Variants in NUMBL observed in about 807,000 individuals in gnomAD.
NUMBL encodes numb-like protein.
A neutral mutation model predicts 48.9 loss-of-function variants in NUMBL; 20 were observed. That is an observed-to-expected ratio of 0.41 (90% CI 0.29 to 0.59). The LOEUF is 0.59. Ranked by LOEUF, NUMBL falls within the 20% of genes least tolerant of loss-of-function variation. The pLI is 0.31. For synonymous variants in NUMBL, 340 were observed against 348.7 expected (o/e 0.98, Z 0.28); for missense variants, 660 against 846.2 (o/e 0.78, Z 2.73).
chr19:40,675,164 A>AAAC (rs2081868896), intron 7 of NUMBL, among the ~76,000 whole-genome samples: 1 of 146,188 alleles, frequency 6.8e-6, no homozygotes, highest in Admixed American at 6.8e-5. Flanking sequence ...AAAAAAAAAA[A>AAAC]AAAAAACTTA....
At chr19:40,674,127 A>G (rs541272993) in intron 7 of NUMBL, among the ~76,000 whole-genome samples, 2 of 152,248 alleles carry the variant, frequency 1.3e-5, no homozygotes, top group East Asian at 3.9e-4. Flanking sequence ...GATGTGCCCA[A>G]GTCCTACTGC....
intron 3 of NUMBL, among the ~76,000 whole-genome samples, chr19:40,683,381 T>G (rs1282150022): frequency 6.6e-6 from 1 of 152,262 alleles, no homozygotes; most frequent in Admixed American, 6.5e-5. Context: ...CTCCCTCATC[T>G]GCAGGTGGGA....
rs763501311 is a variant in NUMBL at position 40,690,416 on chromosome 19, C to T, written c.24+44G>A. On this transcript the variant is annotated intron_variant, in intron 1 of 9. Coordinates refer to ENST00000252891, the MANE Select transcript of NUMBL (RefSeq NM_004756.5). ...CTCCCACCCTCCGCCACATCAGCAG[C>T]GGCGCCGCCCCCGACCCGAGCCCCC... 29 of 1,153,182 alleles carry T rather than the reference C, an allele frequency of 2.5e-5. No individual in the cohort carries two copies. In the South Asian group the frequency reaches 9.1e-4, roughly 36 times the overall value. The allele number at this position is 1,153,182 out of a possible 1,614,324, so 71.4% of individuals were successfully genotyped here. A position where few individuals can be genotyped will look rare whatever the true frequency, so the allele number is the denominator to read the frequency against.
At position 40,667,132 on chromosome 19, in the gene NUMBL, T is replaced by G; in HGVS notation, c.*336A>C. On this transcript the variant is annotated 3_prime_UTR_variant, in exon 10 of 10. Coordinates refer to ENST00000252891, the MANE Select transcript of NUMBL (RefSeq NM_004756.5). This position sits in a 1 kb window ranked among gnomAD's most constrained non-coding sequence, Gnocchi z 6.1. ...CCTGTCCAACACTGGAAGGTGGGGGTCAACAGAAACTGGGAAATGGAGTGT... is the reference window on the plus strand; with the variant it reads ...CCTGTCCAACACTGGAAGGTGGGGGGCAACAGAAACTGGGAAATGGAGTGT... The G allele has an allele frequency of 9.6e-6, 3 of 312,214 alleles. No homozygotes were observed. Among genetic ancestry groups the G allele is most frequent in the South Asian group, 3.1e-5 (1 of 31,808 alleles). 19.3% of individuals were successfully genotyped at this position (312,214 alleles called of 1,614,324 possible).
Position 40,687,937 on chromosome 19 carries a change from A to G in NUMBL, c.25-942T>C, listed in dbSNP as rs2081943162. Among the ~76,000 whole-genome samples, 1 of 152,100 alleles carries G rather than the reference A, an allele frequency of 6.6e-6. No individual in the cohort carries two copies. Among genetic ancestry groups the G allele is most frequent in the Non-Finnish European group, 1.5e-5 (1 of 68,010 alleles). On this transcript the variant is annotated intron_variant, in intron 1 of 9. Coordinates refer to ENST00000252891, the MANE Select transcript of NUMBL (RefSeq NM_004756.5). The surrounding 1 kb of genome is among the most constrained non-coding windows in gnomAD (Gnocchi z 4.6). ...CACACACTGTCACGTGGTCACACATACTCAGTCATAGGTGCTCAAATCTGG... is the reference window on the plus strand; with the variant it reads ...CACACACTGTCACGTGGTCACACATGCTCAGTCATAGGTGCTCAAATCTGG...
In NUMBL at chr19:40,673,773, C is replaced by G; in HGVS notation, c.731-124G>C. The G allele has an allele frequency of 1.1e-6, 1 of 900,532 alleles. No individual in the cohort carries two copies. The highest frequency in any genetic ancestry group is 1.6e-6 in the Non-Finnish European group (1 of 617,374). 55.8% of individuals were successfully genotyped at this position (900,532 alleles called of 1,614,324 possible). On this transcript the variant is annotated intron_variant, in intron 7 of 9. Coordinates refer to ENST00000252891, the MANE Select transcript of NUMBL (RefSeq NM_004756.5). The surrounding 1 kb of genome is among the most constrained non-coding windows in gnomAD (Gnocchi z 5.9). ...TGCCCAGTGAGTCCTGCCCTTAAGA[C>G]AAGCTAGTCAAAGCCCTGAGATATC...
At chr19:40,685,601 T>G (rs2081930284) in intron 2 of NUMBL, 1 of 153,714 alleles carries the variant, frequency 6.5e-6, no homozygotes, top group African/African-American at 2.4e-5. Flanking sequence ...TATCCGAGAG[T>G]GCCGTTGTTG....
chr19:40,689,329 T>G (rs2144670939), intron 1 of NUMBL, among the ~76,000 whole-genome samples: 1 of 152,152 alleles, frequency 6.6e-6, no homozygotes, highest in East Asian at 1.9e-4. Context: ...AAGTACAGGA[T>G]TCTGCACAGT....
chr19:40,686,222 T>A (rs1248227547), intron 2 of NUMBL: 1 of 151,980 alleles, frequency 6.6e-6, no homozygotes, highest in East Asian at 1.9e-4. Flanking sequence ...TGGCATGATC[T>A]CAGCTCACAG....
chr19:40,685,048 G>T, intron 2 of NUMBL: 1 of 164,488 alleles, frequency 6.1e-6, no homozygotes, highest in Non-Finnish European at 1.3e-5. Context: ...GGAATTGCAT[G>T]GGTCAGGGGT....
chr19:40,668,251 G>A (rs542063986), intron 9 of NUMBL, 113 bp from the exon 10 acceptor site: 29 of 1,443,142 alleles, frequency 2.0e-5, no homozygotes, highest in African/African-American at 2.9e-5. Flanking sequence ...GAGCCAGACC[G>A]CCTGCCTCTG....
rs1214690045 is a variant in NUMBL, at chr19:40,690,277, T to C, written c.24+183A>G. On this transcript the variant is annotated intron_variant, in intron 1 of 9. Transcript: ENST00000252891. ...TGGCAAGAGATGGCCCAGGGGTCTG[T>C]GCCCAAGACCCCGGTCTCCTGGGCT... 5 of 377,436 alleles carry C rather than the reference T, an allele frequency of 1.3e-5. No individual in the cohort carries two copies. The Admixed American group carries it at 2.3e-4, about 17-fold the overall frequency. The allele number at this position is 377,436 out of a possible 1,614,324, so 23.4% of individuals were successfully genotyped here.
Position 40,666,565 on chromosome 19 carries a change from C to T in NUMBL, c.*903G>A, listed in dbSNP as rs1024194585. The T allele has an allele frequency of 2.0e-5, 3 of 152,484 alleles. No homozygotes were observed. The highest frequency in any genetic ancestry group is 4.8e-5 in the African/African-American group (2 of 41,416). 9.4% of individuals were successfully genotyped at this position (152,484 alleles called of 1,614,324 possible). On this transcript the variant is annotated 3_prime_UTR_variant, in exon 10 of 10. Coordinates refer to ENST00000252891, the MANE Select transcript of NUMBL (RefSeq NM_004756.5). ...GCTGAGTCAGTGGTACCTGTTACCA[C>T]GCTATGACTCAGAGGTTATCACTCA...
chr19:40,682,735 T>G lies in NUMBL; in HGVS notation c.392A>C (p.Lys131Thr). ...CCCCCACAGGCCTCCTACCTTGGTT[T>G]TGTCGTCCACCACTCGGAGCCCATC... ...SADGLRVVDD[K>T]TKDLLVDQTI... The change falls in exon 5 of 10, where the codon AAA (lysine) becomes ACA (threonine). Residue 131 changes from lysine to threonine, a missense_variant. By Grantham distance (78) the Lys-to-Thr change is moderately conservative. Around this residue, in one of 3 missense-constraint regions of NUMBL, gnomAD observed 278 missense variants for 420.6 expected, o/e 0.66. Transcript: ENST00000252891. The surrounding 1 kb of genome is among the most constrained non-coding windows in gnomAD (Gnocchi z 4.0). The G allele has an allele frequency of 6.2e-7, 1 of 1,614,122 alleles. No individual in the cohort carries two copies. The highest frequency in any genetic ancestry group is 8.5e-7 in the Non-Finnish European group (1 of 1,179,998).
At chr19:40,681,819 C>T (rs919377601) in intron 5 of NUMBL, among the ~76,000 whole-genome samples, 3 of 151,904 alleles carry the variant, frequency 2.0e-5, no homozygotes, top group Admixed American at 1.3e-4. Context: ...ATTACAGGCA[C>T]GCACCACCAC....
intron 1 of NUMBL, 173 bp downstream of exon 1, chr19:40,690,287 C>T (rs202177208): frequency 2.0e-4 from 77 of 383,780 alleles, no homozygotes; most frequent in East Asian, 1.7e-3. Flanking sequence ...TGCCCAAGAC[C>T]CCGGTCTCCT....
In NUMBL at chr19:40,667,384, G is replaced by C; in HGVS notation, c.*84C>G. The C allele has an allele frequency of 8.5e-6, 13 of 1,537,826 alleles. No individual in the cohort carries two copies. Among genetic ancestry groups the C allele is most frequent in the Non-Finnish European group, 8.7e-6 (10 of 1,144,722 alleles). On this transcript the variant is annotated 3_prime_UTR_variant, in exon 10 of 10. Coordinates refer to ENST00000252891, the MANE Select transcript of NUMBL (RefSeq NM_004756.5). The surrounding 1 kb of genome is among the most constrained non-coding windows in gnomAD (Gnocchi z 6.1). ...GAGGGTGTTGAGGGGCGCAGCCCCA[G>C]GGAGCAGGGTTAGGGGAGAGGTTGT...
chr19:40,670,195 G>A (rs528986489), intron 8 of NUMBL, among the ~76,000 whole-genome samples, 175 bp from the exon 9 acceptor site: 18 of 152,284 alleles, frequency 1.2e-4, no homozygotes, highest in Admixed American at 9.2e-4. Flanking sequence ...ACATCTGAGC[G>A]GCAGAACGAC....
Position 40,690,459 on chromosome 19 carries a change from C to A in NUMBL, c.24+1G>T. On this transcript the variant is annotated splice_donor_variant, in intron 1 of 9. Coordinates refer to ENST00000252891, the MANE Select transcript of NUMBL (RefSeq NM_004756.5). LOFTEE classifies it high-confidence loss of function. ...GAGCCCCCCTCTCCCGCCCTTCTCA[C>A]GCTGGCCGCCGCGCTGCGGGACATC... 7.7e-7 allele frequency: 1 copy of A among 1,303,486 alleles called. No homozygotes were observed. Among genetic ancestry groups the A allele is most frequent in the Admixed American group, 3.1e-5 (1 of 32,168 alleles). 80.7% of individuals were successfully genotyped at this position (1,303,486 alleles called of 1,614,324 possible).
Sources: gnomAD v4.1 joint callset for allele counts (sites outside exome capture counted in the v4.1 genomes callset) on GRCh38, gnomAD v4.1.1 for gene constraint, gnomAD v4.1.1 regional missense constraint, Gnocchi (gnomAD v3.1) non-coding constraint, MANE v1.5 for transcripts, NCBI Gene and HGNC (gene_info 2026-07-23, HGNC 2026-07-21) for gene names.